The following MCF2L variants were observed in gnomAD, a reference collection of about 807,000 sequenced individuals.
MCF2L encodes the protein MCF.2 cell line derived transforming sequence like.
A neutral mutation model predicts 153.4 loss-of-function variants in MCF2L; 97 were observed. The ratio of observed to expected loss-of-function variants is 0.63; its 90% confidence interval spans 0.54 to 0.75. MCF2L has a LOEUF of 0.75. Ranked by LOEUF, MCF2L falls within the 30% of genes least tolerant of loss-of-function variation. The pLI is 0.00. For synonymous variants in MCF2L, 659 were observed against 632.2 expected (o/e 1.04, Z -0.64); for missense variants, 1,347 against 1,495.2 (o/e 0.90, Z 1.64).
At chr13:112,923,781 C>G (rs1370522722) in intron 2 of MCF2L, among the ~76,000 whole-genome samples, 1 of 152,044 alleles carries the variant, frequency 6.6e-6, no homozygotes, top group Admixed American at 6.5e-5. Flanking sequence ...TCCTTTAAAG[C>G]AAAAGAAAAT....
intron 2 of MCF2L, among the ~76,000 whole-genome samples, chr13:112,913,882 G>C (rs568727864): frequency 7.2e-5 from 11 of 152,270 alleles, no homozygotes; most frequent in South Asian, 4.2e-4. Context: ...CAGCACTGCA[G>C]ACTCTTTCTC....
At chr13:112,968,424 C>G (rs751793803), upstream of MCF2L, 1 of 1,574,700 alleles carries the variant, frequency 6.4e-7, no homozygotes, top group African/African-American at 1.3e-5. Context: ...GCAGCCAGGA[C>G]GCTGCGTGTG....
At chr13:113,062,034 G>C (rs1031370969) in intron 5 of MCF2L, among the ~76,000 whole-genome samples, 2 of 150,036 alleles carry the variant, frequency 1.3e-5, no homozygotes, top group African/African-American at 4.9e-5. Context: ...AGGGTGTTCT[G>C]CATGGCACCC....
chr13:113,039,790 G>A (rs978754137), intron 3 of MCF2L, among the ~76,000 whole-genome samples: 2 of 152,198 alleles, frequency 1.3e-5, no homozygotes, highest in Non-Finnish European at 2.9e-5. Context: ...CTGACAGACA[G>A]TATCCAGTGC....
At chr13:113,084,793 G>A (rs2034475334) in intron 18 of MCF2L, 99 bp from the exon 19 acceptor site, 5 of 877,496 alleles carry the variant, frequency 5.7e-6, no homozygotes, top group South Asian at 4.4e-5. Context: ...TGCGTGATGC[G>A]GTGCCCGTCC....
chr13:113,085,203 CG>C (rs758081557), intron 20 of MCF2L, 25 bp downstream of exon 20: 4 of 1,606,206 alleles, frequency 2.5e-6, no homozygotes, highest in Non-Finnish European at 3.4e-6. Flanking sequence ...GACCGTGGCC[CG>C]GCCTCCCCAG....
At chr13:113,025,095 G>T (rs1201682771) in intron 3 of MCF2L, among the ~76,000 whole-genome samples, 2 of 92,884 alleles carry the variant, frequency 2.2e-5, no homozygotes, top group Non-Finnish European at 4.3e-5. Flanking sequence ...TTTCACCAGG[G>T]TGGGGTCCCT....
At chr13:112,959,521 G>T (rs370817374) in intron 2 of MCF2L, among the ~76,000 whole-genome samples, 1 of 152,120 alleles carries the variant, frequency 6.6e-6, no homozygotes, top group Non-Finnish European at 1.5e-5. Context: ...GGTCATCCTG[G>T]GGGGAGAACT....
intron 26 of MCF2L, among the ~76,000 whole-genome samples, chr13:113,092,060 G>A (rs753758887): frequency 8.5e-5 from 13 of 152,186 alleles, no homozygotes; most frequent in East Asian, 3.9e-4. Flanking sequence ...TTGCTGCTTC[G>A]AGGCCCCAGG....
At chr13:112,968,805 A>T, upstream of MCF2L, 1 of 1,334,970 alleles carries the variant, frequency 7.5e-7, no homozygotes, top group South Asian at 1.8e-5. Flanking sequence ...GCAAACCAGG[A>T]GGGCGTGGAG....
chr13:113,090,309 C>G (rs982044780), intron 26 of MCF2L: 2 of 1,227,368 alleles, frequency 1.6e-6, no homozygotes, highest in East Asian at 1.0e-4. Context: ...TGCTGTGTCT[C>G]GCGCACAGAC....
intron 2 of MCF2L, among the ~76,000 whole-genome samples, chr13:112,952,675 A>G (rs1368339320): frequency 1.3e-5 from 2 of 152,244 alleles, no homozygotes; most frequent in Admixed American, 1.3e-4. Flanking sequence ...ATGCATTACT[A>G]TTAGTAAATT....
At chr13:112,991,260 G>A (rs186956852) in intron 1 of MCF2L, among the ~76,000 whole-genome samples, 4 of 152,142 alleles carry the variant, frequency 2.6e-5, no homozygotes, top group Non-Finnish European at 5.9e-5. Context: ...GTGTTTTGGG[G>A]GGCATCTCCC....
chr13:113,090,163 A>G, intron 26 of MCF2L: 3 of 1,531,954 alleles, frequency 2.0e-6, no homozygotes, highest in Admixed American at 2.0e-5. Context: ...TCAGAAAGGT[A>G]AAAGTAGTGC....
intron 4 of MCF2L, among the ~76,000 whole-genome samples, chr13:113,058,579 G>T: frequency 6.7e-6 from 1 of 149,496 alleles, no homozygotes; most frequent in East Asian, 2.1e-4. Flanking sequence ...TGTTTGCTGT[G>T]TGGTTGCTGA....
At chr13:112,898,744 C>T (rs2081092080) in intron 1 of MCF2L, among the ~76,000 whole-genome samples, 1 of 152,192 alleles carries the variant, frequency 6.6e-6, no homozygotes, top group East Asian at 1.9e-4. Context: ...CCCCAGCTGC[C>T]ATCATCTCCA....
At chr13:112,924,584 C>A (rs1714982133) in intron 2 of MCF2L, among the ~76,000 whole-genome samples, 1 of 152,120 alleles carries the variant, frequency 6.6e-6, no homozygotes, top group Non-Finnish European at 1.5e-5. Flanking sequence ...ACTCCTGAGA[C>A]ACAGAAGACT....
At chr13:112,990,833 C>G (rs976842147) in intron 1 of MCF2L, among the ~76,000 whole-genome samples, 4 of 152,168 alleles carry the variant, frequency 2.6e-5, no homozygotes, top group Non-Finnish European at 2.9e-5. Flanking sequence ...GTTCCCTAAA[C>G]AACGGGCAGG....
chr13:113,078,516 C>G (rs2033757531), intron 14 of MCF2L, 80 bp downstream of exon 14: 1 of 1,413,256 alleles, frequency 7.1e-7, no homozygotes, highest in South Asian at 1.2e-5. Context: ...GTGTGGCCCC[C>G]CCTCCCGGGC....
Sources: allele counts gnomAD v4.1 joint callset (sites outside exome capture counted in the v4.1 genomes callset), GRCh38; gene constraint gnomAD v4.1.1; transcripts MANE v1.5; gene names NCBI Gene and HGNC (gene_info 2026-07-23, HGNC 2026-07-21).